Variants in OPCML observed in about 807,000 individuals in gnomAD.
The protein encoded by OPCML is opioid binding protein/cell adhesion molecule like.
Under a neutral mutation model 37.8 loss-of-function variants are expected in OPCML, and 13 were observed. The ratio of observed to expected loss-of-function variants is 0.34; its 90% CI spans 0.22 to 0.55. The LOEUF (loss-of-function observed/expected upper bound fraction) is 0.55, where lower values mean the gene tolerates loss of function less well. OPCML is among the 20% of genes least tolerant of loss of function. The pLI, the probability that OPCML is intolerant of heterozygous loss-of-function variation, is 0.91. For missense variants in OPCML, 341 were observed against 435.6 expected (o/e 0.78, Z 1.93); for synonymous variants, 176 against 168.8 (o/e 1.04, Z -0.33).
intron 2 of OPCML, among the ~76,000 whole-genome samples, chr11:132,672,638 G>A (rs910893609): frequency 6.6e-6 from 1 of 152,176 alleles, no homozygotes; most frequent in Non-Finnish European, 1.5e-5. Context: ...CCACCACTTT[G>A]CTGTCTGCAG....
rs575368873 is a variant in OPCML, at chr11:132,732,329, G to A, written c.147-75010C>T. ...TGGGGGATAAATGAAAGGAAAATTC[G>A]TGGACAAATCCCAGGTTTCTGACAA... On this transcript the variant is annotated intron_variant, in intron 2 of 7. Transcript: ENST00000524381. 3.4e-4 allele frequency among the ~76,000 whole-genome samples: 52 copies of A among 152,270 alleles called. No individual in the cohort carries two copies. In the South Asian group the frequency reaches 6.0e-3, roughly 18 times the overall value.
rs890294139 is a variant in OPCML, at chr11:132,943,189, G to A, written c.62-179C>T. ...GCTCGGGAAGCGGTGCGGGGAGGAG[G>A]GAAGGGGCAGAGTTCGCCAGGAGCA... is the stretch of plus-strand genomic sequence containing the variant. On this transcript the variant is annotated intron_variant, in intron 1 of 7. Transcript: ENST00000524381. The surrounding 1 kb of genome is among the most constrained non-coding windows in gnomAD (Gnocchi z 4.3). The A allele has an allele frequency of 1.3e-6, 2 of 1,571,198 alleles. No individual in the cohort carries two copies. Among genetic ancestry groups the A allele is most frequent in the Non-Finnish European group, 1.7e-6 (2 of 1,152,266 alleles).
chr11:133,484,093 AATAG>A (rs1169990296), intron 1 of OPCML, among the ~76,000 whole-genome samples: 28 of 149,812 alleles, frequency 1.9e-4, no homozygotes, highest in African/African-American at 3.7e-4. Context: ...TTCATAGATG[AATAG>A]ATAGATTAGA....
intron 2 of OPCML, among the ~76,000 whole-genome samples, chr11:132,741,597 C>T (rs537649491): frequency 9.9e-5 from 15 of 152,262 alleles, no homozygotes; most frequent in South Asian, 2.1e-4. Flanking sequence ...ATGCAATAAT[C>T]GTTCTTTAAT....
chr11:133,152,820 G>A (rs1221990218), intron 1 of OPCML, among the ~76,000 whole-genome samples: 2 of 151,736 alleles, frequency 1.3e-5, no homozygotes, highest in Admixed American at 6.6e-5. Flanking sequence ...GCCCCAGCAC[G>A]CAATTTGCTG....
chr11:133,395,334 T>G (rs1238364851), intron 1 of OPCML, among the ~76,000 whole-genome samples: 2 of 152,200 alleles, frequency 1.3e-5, no homozygotes, highest in Non-Finnish European at 2.9e-5. Flanking sequence ...TCTCTACTTT[T>G]TTTGATTGCT....
At chr11:133,255,039 A>G (rs1176607528) in intron 1 of OPCML, among the ~76,000 whole-genome samples, 1 of 152,212 alleles carries the variant, frequency 6.6e-6, no homozygotes, top group African/African-American at 2.4e-5. Flanking sequence ...TGTAATGAAG[A>G]TTTAAGCTTT....
chr11:132,527,826 T>C (rs973741425), intron 4 of OPCML, among the ~76,000 whole-genome samples: 11 of 152,200 alleles, frequency 7.2e-5, no homozygotes, highest in Non-Finnish European at 1.2e-4. Context: ...GTTACTCGTG[T>C]GGACACTGAT....
At position 132,818,430 on chromosome 11, in the gene OPCML, G is replaced by A. The variant is rs575023337; in HGVS notation, c.146+124496C>T. 2.5e-4 allele frequency among the ~76,000 whole-genome samples: 38 copies of A among 151,838 alleles called. No homozygotes were observed. The South Asian group carries it at 2.7e-3, about 11-fold the overall frequency. ...CCCCTGAATAAAACAAAAGACTCAC[G>A]ATCTAGCGCAAGAGGGCATGCTGTC... On this transcript the variant is annotated intron_variant, in intron 2 of 7. Transcript: ENST00000524381.
chr11:133,288,275 TCTG>T (rs1164347950), intron 1 of OPCML, among the ~76,000 whole-genome samples: 1 of 152,112 alleles, frequency 6.6e-6, no homozygotes, highest in Non-Finnish European at 1.5e-5. Context: ...TCCCTAGACT[TCTG>T]CTTCCTGGAG....
intron 1 of OPCML, among the ~76,000 whole-genome samples, chr11:133,252,000 A>C (rs1377735873): frequency 6.6e-6 from 1 of 152,178 alleles, no homozygotes; most frequent in Non-Finnish European, 1.5e-5. Flanking sequence ...GCCTCCCCCC[A>C]GAGTCGACAG....
chr11:132,851,169 T>TTATA (rs1467344592), intron 2 of OPCML, among the ~76,000 whole-genome samples: 1 of 152,242 alleles, frequency 6.6e-6, no homozygotes, highest in Non-Finnish European at 1.5e-5. Context: ...TTATATCCTA[T>TTATA]TATACACAGT....
intron 2 of OPCML, among the ~76,000 whole-genome samples, chr11:132,852,479 T>A (rs1038896621): frequency 6.6e-6 from 1 of 152,108 alleles, no homozygotes; most frequent in African/African-American, 2.4e-5. Flanking sequence ...TTTCATTGTG[T>A]TAATATGAGT....
intron 4 of OPCML, among the ~76,000 whole-genome samples, chr11:132,499,107 G>C (rs2096240308): frequency 6.6e-6 from 1 of 152,226 alleles, no homozygotes; most frequent in African/African-American, 2.4e-5. Flanking sequence ...GGCTAGTCAG[G>C]TGGAGAAGGA....
chr11:133,149,373 A>G (rs1196546027), intron 1 of OPCML, among the ~76,000 whole-genome samples: 1 of 152,174 alleles, frequency 6.6e-6, no homozygotes, highest in Non-Finnish European at 1.5e-5. Flanking sequence ...CCCCCTGCAA[A>G]TGTTCTTTCC....
intron 3 of OPCML, among the ~76,000 whole-genome samples, chr11:132,574,707 G>A (rs1019685536): frequency 6.6e-6 from 1 of 151,920 alleles, no homozygotes; most frequent in African/African-American, 2.4e-5. Flanking sequence ...AGAAATATCT[G>A]TGTGCATTTG....
intron 1 of OPCML, chr11:133,005,077 T>G: frequency 1.0e-6 from 1 of 985,348 alleles, no homozygotes; most frequent in Non-Finnish European, 1.2e-6. Context: ...CACCCTTGCT[T>G]GGACTCCTTC....
intron 1 of OPCML, among the ~76,000 whole-genome samples, chr11:133,172,750 C>T (rs1390923849): frequency 6.6e-6 from 1 of 151,656 alleles, no homozygotes; most frequent in Non-Finnish European, 1.5e-5. Context: ...TAATGATGTC[C>T]AAAAAACAAT....
chr11:132,507,131 G>T (rs947592700), intron 4 of OPCML, among the ~76,000 whole-genome samples: 1 of 150,518 alleles, frequency 6.6e-6, no homozygotes, highest in East Asian at 1.9e-4. Flanking sequence ...AAATTATACT[G>T]ATAAAAGAAG....
Sources: allele counts gnomAD v4.1 joint callset (sites outside exome capture counted in the v4.1 genomes callset), GRCh38; gene constraint gnomAD v4.1.1; non-coding constraint Gnocchi (gnomAD v3.1); transcripts MANE v1.5; gene names NCBI Gene and HGNC (gene_info 2026-07-23, HGNC 2026-07-21).